Variants in GSTCD observed in about 807,000 individuals in gnomAD.
The protein encoded by GSTCD is glutathione S-transferase C-terminal domain-containing protein.
GSTCD carries 44 observed loss-of-function variants against 68.3 expected under a neutral mutation model. The ratio of observed to expected loss-of-function variants is 0.64; its 90% CI spans 0.51 to 0.83. The LOEUF (loss-of-function observed/expected upper bound fraction) is 0.83, where lower values mean the gene tolerates loss of function less well. GSTCD is among the 40% of genes least tolerant of loss of function. The pLI is 0.00. For missense variants in GSTCD, 739 were observed against 735.9 expected (o/e 1.00, Z -0.05); for synonymous variants, 273 against 255.2 (o/e 1.07, Z -0.67).
At chr4:105,834,019 A>G (rs1387782643) in intron 8 of GSTCD, among the ~76,000 whole-genome samples, 2 of 152,224 alleles carry the variant, frequency 1.3e-5, no homozygotes, top group Non-Finnish European at 2.9e-5. Context: ...CATTTGAGGA[A>G]GTGTTTTCAA....
chr4:105,822,243 G>A (rs1339011204), intron 5 of GSTCD, among the ~76,000 whole-genome samples: 1 of 151,884 alleles, frequency 6.6e-6, no homozygotes, highest in African/African-American at 2.4e-5. Context: ...TGGGGCCCCA[G>A]GCATTTCATA....
At chr4:105,829,537 G>A (rs2149280589) in intron 8 of GSTCD, among the ~76,000 whole-genome samples, 1 of 152,276 alleles carries the variant, frequency 6.6e-6, no homozygotes. Context: ...CATCTTACAT[G>A]GTGGCAGGCA....
At chr4:105,843,968 G>A (rs1180340433) in intron 11 of GSTCD, among the ~76,000 whole-genome samples, 4 of 152,124 alleles carry the variant, frequency 2.6e-5, no homozygotes, top group Non-Finnish European at 4.4e-5. Flanking sequence ...AAGCTGTCAC[G>A]TCTACATCTC....
chr4:105,765,866 C>T (rs576091055), intron 5 of GSTCD, among the ~76,000 whole-genome samples: 3 of 152,260 alleles, frequency 2.0e-5, no homozygotes, highest in Non-Finnish European at 4.4e-5. Context: ...TGAAGAAAGA[C>T]GTGTTTGCTT....
At chr4:105,716,434 G>A (rs1009319220) in intron 1 of GSTCD, among the ~76,000 whole-genome samples, 3 of 152,122 alleles carry the variant, frequency 2.0e-5, no homozygotes, top group African/African-American at 7.2e-5. Flanking sequence ...CCCAACCCCT[G>A]GGCCCAGGAC....
intron 5 of GSTCD, among the ~76,000 whole-genome samples, chr4:105,770,993 G>A (rs1452552585): frequency 1.3e-5 from 2 of 152,162 alleles, no homozygotes; most frequent in Admixed American, 6.5e-5. Flanking sequence ...CATCAATAGT[G>A]TAAAAGCATT....
chr4:105,733,366 G>A (rs1026114126), intron 5 of GSTCD, among the ~76,000 whole-genome samples: 1 of 152,168 alleles, frequency 6.6e-6, no homozygotes, highest in Non-Finnish European at 1.5e-5. Flanking sequence ...ATGAATCTGG[G>A]TGTTCCTGTA....
intron 5 of GSTCD, among the ~76,000 whole-genome samples, chr4:105,769,573 G>GTTT (rs1734761661): frequency 6.6e-6 from 1 of 151,986 alleles, no homozygotes; most frequent in Admixed American, 6.6e-5. Flanking sequence ...TGCAATTGCT[G>GTTT]TTTTCTCTTC....
At chr4:105,765,427 CTCTA>C (rs996502312) in intron 5 of GSTCD, among the ~76,000 whole-genome samples, 54 of 152,316 alleles carry the variant, frequency 3.5e-4, no homozygotes, top group African/African-American at 1.2e-3. Context: ...GAAGAAAACT[CTCTA>C]GAAAGTGTAA....
At chr4:105,718,155 C>T (rs1239979505) in intron 2 of GSTCD, 116 bp downstream of exon 2, 3 of 788,232 alleles carry the variant, frequency 3.8e-6, no homozygotes, top group Non-Finnish European at 5.8e-6. Context: ...TTTAAAAAAC[C>T]CCAGTAACCA....
intron 5 of GSTCD, among the ~76,000 whole-genome samples, chr4:105,798,232 A>T (rs1198407132): frequency 1.3e-5 from 2 of 151,966 alleles, no homozygotes; most frequent in East Asian, 3.9e-4. Flanking sequence ...TCTACTTCTA[A>T]TCCTAGTTCT....
chr4:105,715,566 A>T (rs943206115), intron 1 of GSTCD, among the ~76,000 whole-genome samples: 1 of 152,022 alleles, frequency 6.6e-6, no homozygotes, highest in Non-Finnish European at 1.5e-5. Flanking sequence ...TAAGAAACTT[A>T]GATAATACTT....
At chr4:105,757,880 CT>C (rs1308303837) in intron 5 of GSTCD, among the ~76,000 whole-genome samples, 1 of 152,066 alleles carries the variant, frequency 6.6e-6, no homozygotes, top group African/African-American at 2.4e-5. Flanking sequence ...CCATTTCCTC[CT>C]TTTTAAAAAG....
rs1239118174 is a variant in GSTCD at position 105,738,469 on chromosome 4, A to G, written c.1240+8970A>G. ...AGAGATTACACTGAATCTATAGATC[A>G]CTTTTGGTACTATGATTGTTTTTAA... On this transcript the variant is annotated intron_variant, in intron 5 of 11. Coordinates refer to ENST00000515279, the MANE Select transcript of GSTCD (RefSeq NM_001370181.1). Among the ~76,000 whole-genome samples the G allele has an allele frequency of 5.3e-5, 8 of 152,096 alleles. 1 individual carries two copies. The highest frequency in any genetic ancestry group is 1.2e-4 in the Non-Finnish European group (8 of 68,008).
At chr4:105,729,249 TTTTA>T (rs1285461340) in intron 4 of GSTCD, among the ~76,000 whole-genome samples, 153 bp from the exon 5 acceptor site, 1 of 152,132 alleles carries the variant, frequency 6.6e-6, no homozygotes, top group East Asian at 1.9e-4. Context: ...CACATGGTAT[TTTTA>T]TTTAATTAAA....
intron 8 of GSTCD, among the ~76,000 whole-genome samples, chr4:105,829,802 A>G (rs1320101039): frequency 1.3e-5 from 2 of 152,190 alleles, no homozygotes; most frequent in Admixed American, 6.5e-5. Flanking sequence ...AAGATAATAC[A>G]TTAGTGAAAC....
chr4:105,749,755 A>G (rs543457781), intron 5 of GSTCD, among the ~76,000 whole-genome samples: 5 of 152,322 alleles, frequency 3.3e-5, no homozygotes, highest in African/African-American at 1.2e-4. Flanking sequence ...AGCAAAGAGT[A>G]GGCAATGTGT....
chr4:105,710,524 C>A (rs971687083), intron 1 of GSTCD, among the ~76,000 whole-genome samples: 1 of 151,768 alleles, frequency 6.6e-6, no homozygotes, highest in South Asian at 2.1e-4. Context: ...CCACCGCGCC[C>A]GGCCTGTTTT....
At chr4:105,832,867 T>C (rs1239656443) in intron 8 of GSTCD, among the ~76,000 whole-genome samples, 1 of 152,232 alleles carries the variant, frequency 6.6e-6, no homozygotes, top group Non-Finnish European at 1.5e-5. Context: ...GCCTGTTTTT[T>C]ACTCTGAAAA....
Sources: allele counts gnomAD v4.1 joint callset (sites outside exome capture counted in the v4.1 genomes callset), GRCh38; gene constraint gnomAD v4.1.1; transcripts MANE v1.5; gene names NCBI Gene and HGNC (gene_info 2026-07-23, HGNC 2026-07-21).